COL27A1: variants seen among roughly 807,000 people sequenced by gnomAD.
The protein encoded by COL27A1 is collagen alpha-1(XXVII) chain.
A neutral mutation model predicts 251.3 loss-of-function variants in COL27A1; 106 were observed. The ratio of observed to expected loss-of-function variants is 0.42; its 90% CI spans 0.36 to 0.50. COL27A1 has a LOEUF of 0.50. Ranked by LOEUF, COL27A1 falls within the 20% of genes least tolerant of loss-of-function variation. The probability of loss-of-function intolerance (pLI) is 0.00; values close to 1 mark genes in which losing one functional copy is unlikely to be tolerated. For missense variants in COL27A1, 2,325 were observed against 2,522.8 expected (o/e 0.92, Z 1.68); for synonymous variants, 1,000 against 986.3 (o/e 1.01, Z -0.26).
intron 28 of COL27A1, among the ~76,000 whole-genome samples, chr9:114,263,169 C>T (rs1256440886): frequency 6.6e-6 from 1 of 152,124 alleles, no homozygotes; most frequent in Non-Finnish European, 1.5e-5. Flanking sequence ...GAACTCCTGA[C>T]CTCATGATCC....
intron 12 of COL27A1, among the ~76,000 whole-genome samples, chr9:114,214,694 A>T (rs1292169733): frequency 6.6e-6 from 1 of 152,190 alleles, no homozygotes; most frequent in African/African-American, 2.4e-5. Flanking sequence ...TACTCTCCAC[A>T]TGGCTCCCTC....
chr9:114,304,933 C>G (rs1828925668), intron 57 of COL27A1, among the ~76,000 whole-genome samples: 1 of 152,242 alleles, frequency 6.6e-6, no homozygotes, highest in Non-Finnish European at 1.5e-5. Context: ...GGAGGCCTCT[C>G]AGAGTCTCCA....
chr9:114,251,794 G>A (rs770650228), intron 25 of COL27A1, among the ~76,000 whole-genome samples: 6 of 152,212 alleles, frequency 3.9e-5, no homozygotes, highest in Non-Finnish European at 7.3e-5. Context: ...ACTTCCCGAG[G>A]GAAGCTTTCC....
rs555055472 is a variant in COL27A1, at chr9:114,260,288, A to C, written c.3195+1694A>C. ...TCTCCCGGGCTGGGAGGGGAGCATC[A>C]GGAACATGAGCCCCTCTCCCCACTG... On this transcript the variant is annotated intron_variant, in intron 28 of 60. Transcript: ENST00000356083. Among the ~76,000 whole-genome samples, 3 of 152,278 alleles carry C rather than the reference A, an allele frequency of 2.0e-5. No homozygotes were observed. In the East Asian group the frequency reaches 5.8e-4, roughly 29 times the overall value.
rs753015325 is a variant in COL27A1 at position 114,162,704 on chromosome 9, C to G, written c.63-11C>G. On this transcript the variant is annotated splice_polypyrimidine_tract_variant and intron_variant, in intron 1 of 60. Transcript: ENST00000356083. ...CTGATGCCGCCTCTGCTTGTGTCTC[C>G]TGGTCTCTAGGGGGTTTCTCTTCTC... 7 of 1,609,676 alleles carry G rather than the reference C, an allele frequency of 4.3e-6. No homozygotes were observed. In the South Asian group the frequency reaches 6.6e-5, roughly 15 times the overall value.
At chr9:114,231,018 C>A (rs1200987450) in intron 14 of COL27A1, 61 bp from the exon 15 acceptor site, 25 of 1,495,398 alleles carry the variant, frequency 1.7e-5, no homozygotes, top group Non-Finnish European at 2.3e-5. Context: ...GTCCCCACCA[C>A]CCAGGCCAGC....
chr9:114,276,716 C>T (rs1199486222), intron 37 of COL27A1, among the ~76,000 whole-genome samples: 1 of 152,250 alleles, frequency 6.6e-6, no homozygotes, highest in Non-Finnish European at 1.5e-5. Flanking sequence ...TCCACCCTAA[C>T]AGAAATGTAC....
At chr9:114,192,996 C>T (rs1034519068) in intron 5 of COL27A1, among the ~76,000 whole-genome samples, 5 of 151,878 alleles carry the variant, frequency 3.3e-5, no homozygotes, top group African/African-American at 9.7e-5. Context: ...GGGAAGCTGG[C>T]GTGTGTTTGT....
Position 114,219,184 on chromosome 9 carries a change from A to T in COL27A1, c.2368-607A>T, listed in dbSNP as rs895981429. 3.9e-5 allele frequency among the ~76,000 whole-genome samples: 6 copies of T among 152,248 alleles called. 1 individual carries two copies. The South Asian group carries it at 1.2e-3, about 32-fold the overall frequency. On this transcript the variant is annotated intron_variant, in intron 12 of 60. Coordinates refer to ENST00000356083, the MANE Select transcript of COL27A1 (RefSeq NM_032888.4). ...AGAGTGGGGTCAGGGATGGGGCGAG[A>T]GGGCCAGACCTGCCTGGGCCGGGCA... is the stretch of plus-strand genomic sequence containing the variant.
intron 5 of COL27A1, among the ~76,000 whole-genome samples, chr9:114,184,737 C>A (rs920001221): frequency 6.6e-6 from 1 of 152,156 alleles, no homozygotes; most frequent in Non-Finnish European, 1.5e-5. Context: ...GTGGAGATAC[C>A]GTACCCATTT....
chr9:114,310,591 A>T lies in COL27A1; in HGVS notation c.5479A>T (p.Thr1827Ser). ...GCATCAGACACTCTTCACCTTCCGG[A>T]CCCAAGACCCCCAACAGCTGCCCAT... ...RWHQTLFTFR[T>S]QDPQQLPIIS... is the part of the protein sequence containing the mutation. Residue 1827 changes from threonine (T) to serine (S), a missense_variant, in exon 61 of 61, where the codon ACC (threonine) becomes TCC (serine). Physicochemically the swap from Thr to Ser is moderately conservative, Grantham distance 58. Around this residue, in one of 4 missense-constraint regions of COL27A1, gnomAD observed 327 missense variants for 442.8 expected, o/e 0.74. Transcript: ENST00000356083. 1 of 1,614,090 alleles carries T rather than the reference A, an allele frequency of 6.2e-7. No individual in the cohort carries two copies. Among genetic ancestry groups the T allele is most frequent in the South Asian group, 1.1e-5 (1 of 91,074 alleles).
At chr9:114,193,003 TTG>T (rs1344162480) in intron 5 of COL27A1, among the ~76,000 whole-genome samples, 2 of 151,154 alleles carry the variant, frequency 1.3e-5, no homozygotes, top group Non-Finnish European at 2.9e-5. Context: ...TGGCGTGTGT[TTG>T]TGTGTGTGTG....
chr9:114,278,400 C>CAATGGT (rs1564562443), intron 37 of COL27A1, among the ~76,000 whole-genome samples: 10 of 196 alleles, frequency 0.051, 1 homozygote, highest in Non-Finnish European at 0.064. Flanking sequence ...GTGCTGGTGG[C>CAATGGT]GATGGTGGTG....
At position 114,275,682 on chromosome 9, in the gene COL27A1, C is replaced by T; in HGVS notation, c.3631C>T (p.Pro1211Ser). 2 of 1,550,136 alleles carry T rather than the reference C, an allele frequency of 1.3e-6. No homozygotes were observed. Among genetic ancestry groups the T allele is most frequent in the Non-Finnish European group, 1.7e-6 (2 of 1,146,704 alleles). The change falls in exon 37 of 61, where the codon CCT becomes TCT. Residue 1211 changes from proline (P) to serine (S), a missense_variant. Coordinates refer to ENST00000356083, the MANE Select transcript of COL27A1 (RefSeq NM_032888.4). ...GLKGDRGDPG[P>S]DGEHGEKGQE... ...CCAGGGGGACAGGGGAGACCCAGGGCCTGATGGAGAACATGGCGAGAAAGG... is the reference window on the plus strand; with the variant it reads ...CCAGGGGGACAGGGGAGACCCAGGGTCTGATGGAGAACATGGCGAGAAAGG...
intron 5 of COL27A1, among the ~76,000 whole-genome samples, chr9:114,189,854 C>T (rs1828626141): frequency 6.6e-6 from 1 of 151,940 alleles, no homozygotes; most frequent in Non-Finnish European, 1.5e-5. Context: ...AATTTATAAC[C>T]ATCCCCTTAC....
chr9:114,260,078 A>C (rs566150726), intron 28 of COL27A1, among the ~76,000 whole-genome samples: 1 of 152,116 alleles, frequency 6.6e-6, no homozygotes, highest in Non-Finnish European at 1.5e-5. Flanking sequence ...CTCCTGCCCC[A>C]GGAAGCTGGA....
At chr9:114,245,160 T>TGC (rs1273015758) in intron 23 of COL27A1, among the ~76,000 whole-genome samples, 1 of 136,334 alleles carries the variant, frequency 7.3e-6, no homozygotes, top group Non-Finnish European at 1.6e-5. Context: ...TTTTTTTTTT[T>TGC]TTTTTTTTTT....
chr9:114,286,193 G>A (rs16927834), intron 41 of COL27A1, among the ~76,000 whole-genome samples: 19,595 of 151,818 alleles, frequency 0.13, 1,365 homozygotes, highest in East Asian at 0.27. Flanking sequence ...CAGCCACCCC[G>A]CAAGCTGGAC....
At position 114,168,389 on chromosome 9, in the gene COL27A1, C is replaced by G; in HGVS notation, c.834C>G (p.Ala278=). Residue 278 remains alanine (A), a synonymous_variant, in exon 3 of 61, where the codon GCC becomes GCG. Transcript: ENST00000356083. The stretch of plus-strand genomic sequence containing the variant: ...AGAACTTGACCACTGCCACACCAGC[C>G]CTGGGGTCACTGCCAGCAGGCAGGG... ...GLENLTTATP[A]LGSLPAGRGP... is the part of the protein sequence containing the mutation. 6.2e-7 allele frequency: 1 copy of G among 1,613,512 alleles called. No homozygotes were observed. Among genetic ancestry groups the G allele is most frequent in the Non-Finnish European group, 8.5e-7 (1 of 1,179,978 alleles).
Sources: gnomAD v4.1 joint callset for allele counts (sites outside exome capture counted in the v4.1 genomes callset) on GRCh38, gnomAD v4.1.1 for gene constraint, gnomAD v4.1.1 regional missense constraint, MANE v1.5 for transcripts, NCBI Gene and HGNC (gene_info 2026-07-23, HGNC 2026-07-21) for gene names.